ABCA3: variants seen among roughly 807,000 people sequenced by gnomAD.
ABCA3 encodes phospholipid-transporting ATPase ABCA3.
ABCA3 carries 88 observed loss-of-function variants against 172.8 expected under a neutral mutation model. That is an observed-to-expected ratio of 0.51 (90% CI 0.43 to 0.61). The LOEUF (loss-of-function observed/expected upper bound fraction) is 0.61. Among genes scored for constraint, ABCA3 ranks in the 20% least tolerant of loss-of-function variants. ABCA3 has a pLI of 0.00. For synonymous variants in ABCA3, 1,066 were observed against 983.8 expected (o/e 1.08, Z -1.56); for missense variants, 2,164 against 2,301.0 (o/e 0.94, Z 1.22).
At chr16:2,300,732 C>T (rs752623868) in intron 12 of ABCA3, among the ~76,000 whole-genome samples, 7 of 152,196 alleles carry the variant, frequency 4.6e-5, no homozygotes, top group Non-Finnish European at 8.8e-5. Context: ...TGGAGGCAGT[C>T]GACACAGTGG....
intron 18 of ABCA3, among the ~76,000 whole-genome samples, chr16:2,293,189 C>G (rs2093674724): frequency 6.6e-6 from 1 of 151,542 alleles, no homozygotes. Flanking sequence ...GTAGCTGGGA[C>G]TATAGGCGCC....
chr16:2,323,817 T>A, intron 6 of ABCA3, 129 bp from the exon 7 acceptor site: 1 of 1,064,902 alleles, frequency 9.4e-7, no homozygotes. Context: ...CCTCTGAGTA[T>A]CTCCAACAGG....
chr16:2,335,530 A>C (rs1299007677), intron 1 of ABCA3, among the ~76,000 whole-genome samples: 1 of 152,076 alleles, frequency 6.6e-6, no homozygotes, highest in African/African-American at 2.4e-5. Flanking sequence ...TCAGCCTCCC[A>C]AAGTGCTGGG....
rs893437022 is a variant in ABCA3 at position 2,323,423 on chromosome 16, T to C, written c.613+100A>G. ...ACCAAGCCAAATGTCCTGAAAAGTA[T>C]TTCTTCAAGAAATACTTTTGCAAAG... On this transcript the variant is annotated intron_variant, in intron 7 of 32. Coordinates refer to ENST00000301732, the MANE Select transcript of ABCA3 (RefSeq NM_001089.3). 1.5e-5 allele frequency: 23 copies of C among 1,493,306 alleles called. No individual in the cohort carries two copies. In the Admixed American group the frequency reaches 3.9e-4, roughly 25 times the overall value. The allele number at this position is 1,493,306 out of a possible 1,614,324, so 92.5% of individuals were successfully genotyped here. A position where few individuals can be genotyped will look rare whatever the true frequency, so the allele number is the denominator to read the frequency against.
Position 2,286,314 on chromosome 16 carries a change from CT to C in ABCA3, c.3278+379del, listed in dbSNP as rs1308881882. ...CATCTGAGGAACAGGGACGGCAGTT[CT>C]TGCCAAGTCCTGCTCTGCTCACCCT... On this transcript the variant is annotated intron_variant, in intron 22 of 32. Coordinates refer to ENST00000301732, the MANE Select transcript of ABCA3 (RefSeq NM_001089.3). The surrounding 1 kb of genome is among the most constrained non-coding windows in gnomAD (Gnocchi z 5.2). Among the ~76,000 whole-genome samples, 1 of 152,168 alleles carries C rather than the reference CT, an allele frequency of 6.6e-6. No homozygotes were observed. The highest frequency in any genetic ancestry group is 1.5e-5 in the Non-Finnish European group (1 of 68,018).
In ABCA3 at chr16:2,326,906, T is replaced by G. The variant is rs185756500; in HGVS notation, c.-26-414A>C. Among the ~76,000 whole-genome samples, 1,374 of 152,210 alleles carry G rather than the reference T, an allele frequency of 9.0e-3. 17 individuals carry two copies. Among genetic ancestry groups the G allele is most frequent in the African/African-American group, 0.031 (1,273 of 41,534 alleles). The stretch of plus-strand genomic sequence containing the variant: ...GAGAGGCTGAGGCAGGAGAATCGCT[T>G]GAACCCGGGAGGCGGGGGTTGCAGT... On this transcript the variant is annotated intron_variant, in intron 3 of 32. Transcript: ENST00000301732.
rs141809125 is a variant in ABCA3 at position 2,336,544 on chromosome 16, C to A, written c.-539+4029G>T. ...CTCCCAGGTTCAAGTGATTCTCCTG[C>A]CTCCGCCTCCTGAGTAGCTGGAATT... On this transcript the variant is annotated intron_variant, in intron 1 of 32. Transcript: ENST00000301732. Among the ~76,000 whole-genome samples, 647 of 151,644 alleles carry A rather than the reference C, an allele frequency of 4.3e-3. 4 individuals are homozygous for A. The highest frequency in any genetic ancestry group is 0.015 in the African/African-American group (615 of 41,274).
At position 2,326,463 on chromosome 16, in the gene ABCA3, C is replaced by T. The variant is rs1180809929; in HGVS notation, c.4G>A (p.Ala2Thr). M[A>T]VLRQLALLLW... Reference sequence around the variant, plus strand: ...AGGAGCGCCAGCTGCCTGAGCACAGCCATCGTCTTGCTGAAAGGGACGCCC... The same window carrying T: ...AGGAGCGCCAGCTGCCTGAGCACAGTCATCGTCTTGCTGAAAGGGACGCCC... The change falls in exon 4 of 33, where the codon GCT becomes ACT. Residue 2 changes from alanine to threonine, a missense_variant. This residue lies in a region of ABCA3 where 1,343 missense variants were observed against 1,369.6 expected (regional missense o/e 0.98). Transcript: ENST00000301732. The T allele has an allele frequency of 6.8e-6, 11 of 1,611,174 alleles. No individual in the cohort carries two copies. The highest frequency in any genetic ancestry group is 8.5e-6 in the Non-Finnish European group (10 of 1,178,640).
Position 2,287,143 on chromosome 16 carries a change from TTCAG to T in ABCA3, c.3005-180_3005-177del, listed in dbSNP as rs2093664415. On this transcript the variant is annotated intron_variant, in intron 21 of 32. Coordinates refer to ENST00000301732, the MANE Select transcript of ABCA3 (RefSeq NM_001089.3). This position sits in a 1 kb window ranked among gnomAD's most constrained non-coding sequence, Gnocchi z 4.1. The stretch of plus-strand genomic sequence containing the variant: ...AATTTCTGGCAAGGTTTTGTCATCA[TTCAG>T]TATGTGGAACTTTGAATGCCAGTCA... 1.3e-5 allele frequency among the ~76,000 whole-genome samples: 2 copies of T among 152,312 alleles called. No homozygotes were observed. The highest frequency in any genetic ancestry group is 1.3e-4 in the Admixed American group (2 of 15,294).
chr16:2,321,360 G>A (rs182468614), intron 7 of ABCA3, among the ~76,000 whole-genome samples: 266 of 152,324 alleles, frequency 1.7e-3, no homozygotes, highest in Non-Finnish European at 3.1e-3. Flanking sequence ...GCATTAGCCT[G>A]GTGACAGCCC....
At position 2,285,447 on chromosome 16, in the gene ABCA3, G is replaced by C; in HGVS notation, c.3478C>G (p.Leu1160Val). The change falls in exon 23 of 33, where the codon CTG becomes GTG. Residue 1160 changes from leucine (L) to valine (V), a missense_variant. Leu to Val is a conservative substitution (Grantham distance 32). Transcript: ENST00000301732. This position sits in a 1 kb window ranked among gnomAD's most constrained non-coding sequence, Gnocchi z 4.7. ...CAGCACCCTCCGGCGCTCACCAGCA[G>C]CAGCAGACTGGGGATGAGGAAGGAG... ...LISFLIPSLL[L>V]LVVFKAFDVR... 1.2e-6 allele frequency: 2 copies of C among 1,609,688 alleles called. No individual in the cohort carries two copies. Among genetic ancestry groups the C allele is most frequent in the African/African-American group, 1.3e-5 (1 of 75,032 alleles).
At position 2,283,621 on chromosome 16, in the gene ABCA3, G is replaced by C. The variant is rs944534568; in HGVS notation, c.3863-263C>G. On this transcript the variant is annotated intron_variant, in intron 25 of 32. Transcript: ENST00000301732. This position sits in a 1 kb window ranked among gnomAD's most constrained non-coding sequence, Gnocchi z 5.4. ...GCAACAGCCCGCCTGAGAGGCACAG[G>C]CTCTGCGTGAATCCTGGGCTGCCTC... is the stretch of plus-strand genomic sequence containing the variant. 5 of 487,966 alleles carry C rather than the reference G, an allele frequency of 1.0e-5. No homozygotes were observed. The highest frequency in any genetic ancestry group is 7.8e-5 in the African/African-American group (4 of 51,240). The allele number at this position is 487,966 out of a possible 1,614,324, so 30.2% of individuals were successfully genotyped here.
intron 1 of ABCA3, chr16:2,332,686 G>A: frequency 1.3e-6 from 2 of 1,590,502 alleles, no homozygotes; most frequent in Non-Finnish European, 1.7e-6. Context: ...TTTGCAGTGT[G>A]CCACAGCTGT....
At chr16:2,306,821 C>T (rs564965412) in intron 11 of ABCA3, among the ~76,000 whole-genome samples, 16 of 152,104 alleles carry the variant, frequency 1.1e-4, no homozygotes, top group Admixed American at 3.3e-4. Context: ...CGAGACCATC[C>T]TGGCTAACAC....
In ABCA3 at chr16:2,276,525, T is replaced by C. The variant is rs564483353; in HGVS notation, c.*149A>G. The C allele has an allele frequency of 7.5e-7, 1 of 1,327,878 alleles. No individual in the cohort carries two copies. Among genetic ancestry groups the C allele is most frequent in the Non-Finnish European group, 1.0e-6 (1 of 971,354 alleles). The allele number at this position is 1,327,878 out of a possible 1,614,324, so 82.3% of individuals were successfully genotyped here. ...ATGAGGGCTGGGCTGCACTCGTCCA[T>C]TCTGTGCATACTGCCTTGAATTTTT... On this transcript the variant is annotated 3_prime_UTR_variant, in exon 33 of 33. Transcript: ENST00000301732.
chr16:2,289,431 C>T lies in ABCA3; in HGVS notation c.2700+3G>A, dbSNP rs1163421313. ...CCACCCGCCCACCCACCTGGGCACTCACCCCAGTGTTGAGCTTGACAGCGG... is the reference window on the plus strand; with the variant it reads ...CCACCCGCCCACCCACCTGGGCACTTACCCCAGTGTTGAGCTTGACAGCGG... On this transcript the variant is annotated splice_donor_region_variant and intron_variant, in intron 20 of 32. Transcript: ENST00000301732. The T allele has an allele frequency of 6.4e-7, 1 of 1,574,196 alleles. No individual in the cohort carries two copies. The highest frequency in any genetic ancestry group is 8.6e-7 in the Non-Finnish European group (1 of 1,161,660).
rs572703773 is a variant in ABCA3 at position 2,294,474 on chromosome 16, C to T, written c.2414+1116G>A. 2.6e-5 allele frequency among the ~76,000 whole-genome samples: 4 copies of T among 151,924 alleles called. No individual in the cohort carries two copies. In the South Asian group the frequency reaches 8.3e-4, roughly 32 times the overall value. Reference sequence around the variant, plus strand: ...GCTGAGGCGGAAGGATCACTTAAGCCCAGGAGTTCAAGACCAGCTTGGGCA... The same window carrying T: ...GCTGAGGCGGAAGGATCACTTAAGCTCAGGAGTTCAAGACCAGCTTGGGCA... On this transcript the variant is annotated intron_variant, in intron 18 of 32. Transcript: ENST00000301732.
chr16:2,301,392 GTGGAA>G (rs2093689204), intron 12 of ABCA3, among the ~76,000 whole-genome samples: 2 of 152,114 alleles, frequency 1.3e-5, no homozygotes, highest in Non-Finnish European at 2.9e-5. Flanking sequence ...ATAACTACTT[GTGGAA>G]GCAAAGAATG....
In ABCA3 at chr16:2,304,088, C is replaced by T. The variant is rs377714049; in HGVS notation, c.1348G>A (p.Gly450Arg). The stretch of plus-strand genomic sequence containing the variant: ...AGCAGCAGCATCCCCAGCACCTGCC[C>T]GAAGCAGAAGTCGTCGTCCACGTTG... Reference protein sequence around the residue: ...PVNVDDDFCFGQVLGMLLLDS... With the variant: ...PVNVDDDFCFRQVLGMLLLDS... Residue 450 changes from glycine to arginine, a missense_variant, in exon 12 of 33, where the codon GGG becomes AGG. By Grantham distance (125) the Gly-to-Arg change is moderately radical (BLOSUM62 -2). Coordinates refer to ENST00000301732, the MANE Select transcript of ABCA3 (RefSeq NM_001089.3). The T allele has an allele frequency of 1.6e-5, 26 of 1,614,024 alleles. No individual in the cohort carries two copies. In the Middle Eastern group the frequency reaches 4.9e-4, roughly 31 times the overall value.
Sources: allele counts gnomAD v4.1 joint callset (sites outside exome capture counted in the v4.1 genomes callset), GRCh38; gene constraint gnomAD v4.1.1; regional missense constraint gnomAD v4.1.1; non-coding constraint Gnocchi (gnomAD v3.1); transcripts MANE v1.5; gene names NCBI Gene and HGNC (gene_info 2026-07-23, HGNC 2026-07-21).